Variants in TASOR observed in about 807,000 individuals in gnomAD.
TASOR encodes the protein transcription activation suppressor, also known as protein TASOR.
A neutral mutation model predicts 178.6 loss-of-function variants in TASOR; 53 were observed. The observed-to-expected ratio is 0.30, with a 90% confidence interval of 0.24 to 0.37. TASOR has a LOEUF of 0.37. Among genes scored for constraint, TASOR ranks in the 10% least tolerant of loss-of-function variants. TASOR has a pLI of 1.00. For missense variants in TASOR, 1,815 were observed against 1,971.4 expected, an observed-to-expected ratio of 0.92 and a Z score of 1.50; for synonymous variants, 713 against 696.2, an observed-to-expected ratio of 1.02 and a Z score of -0.38.
intron 14 of TASOR, among the ~76,000 whole-genome samples, chr3:56,645,875 G>C (rs1578228494): frequency 6.6e-6 from 1 of 152,148 alleles, no homozygotes; most frequent in Non-Finnish European, 1.5e-5. Context: ...ATGGCCAGGC[G>C]TGGTGGCTCA....
intron 14 of TASOR, 107 bp downstream of exon 14, chr3:56,646,415 G>T: frequency 1.2e-6 from 1 of 857,740 alleles, no homozygotes; most frequent in Non-Finnish European, 1.8e-6. Flanking sequence ...AAAAATAGTG[G>T]ACAGGCTGAA....
rs369681222 is a variant in TASOR at position 56,633,261 on chromosome 3, A to G, written c.3530T>C (p.Ile1177Thr). Reference protein sequence around the residue: ...ATELMVTSDHIVPGDMAREPV... With the variant: ...ATELMVTSDHTVPGDMAREPV... ...TTCCCGGGCCATATCACCAGGTACA[A>G]TATGATCAGAAGTCACCATTAACTC... The change falls in exon 18 of 24, where the codon ATT (isoleucine) becomes ACT (threonine). Residue 1177 changes from isoleucine (I) to threonine (T), a missense_variant. This residue lies in a region of TASOR where 655 missense variants were observed against 671.1 expected (regional missense o/e 0.98). Transcript: ENST00000683822. 337 of 1,614,066 alleles carry G rather than the reference A, an allele frequency of 2.1e-4. 2 individuals are homozygous for G. Among genetic ancestry groups the G allele is most frequent in the South Asian group, 1.2e-3 (113 of 91,078 alleles).
intron 18 of TASOR, among the ~76,000 whole-genome samples, chr3:56,632,481 A>C (rs2076937347): frequency 6.6e-6 from 1 of 152,122 alleles, no homozygotes; most frequent in Non-Finnish European, 1.5e-5. Flanking sequence ...TCTCAAAAAA[A>C]AAAACAAAAA....
At position 56,649,019 on chromosome 3, in the gene TASOR, A is replaced by G; in HGVS notation, c.1407T>C (p.Phe469=). Residue 469 remains phenylalanine (F), a synonymous_variant, in exon 12 of 24, where the codon TTT becomes TTC. Transcript: ENST00000683822. ...GAACCATCTGATAAGGGGAGAGAAG[A>G]AAAAGGTATCCTCGGTCTCCCAAAG... is the stretch of plus-strand genomic sequence containing the variant. The part of the protein sequence containing the change: ...VKPLGDRGYL[F]LLSPYQMVPP... 6.2e-7 allele frequency: 1 copy of G among 1,607,606 alleles called. No individual in the cohort carries two copies.
chr3:56,672,450 G>A (rs1018470592), intron 2 of TASOR, among the ~76,000 whole-genome samples: 2 of 152,048 alleles, frequency 1.3e-5, no homozygotes, highest in Non-Finnish European at 2.9e-5. Flanking sequence ...GGTACCACTT[G>A]GTTAACCAAC....
In TASOR at chr3:56,646,914, C is replaced by A; in HGVS notation, c.1823G>T (p.Arg608Leu). ...AATAGGTAACTGATACACTTCAGGC[C>A]GAAAAATATAGGCATGCAAACAAGT... ...IDTCLHAYIF[R>L]PEVYQLPICK... Residue 608 changes from arginine (R) to leucine (L), a missense_variant, in exon 14 of 24, where the codon CGG (arginine) becomes CTG (leucine). Coordinates refer to ENST00000683822, the MANE Select transcript of TASOR (RefSeq NM_001365635.2). 6 of 1,611,142 alleles carry A rather than the reference C, an allele frequency of 3.7e-6. No individual in the cohort carries two copies. Among genetic ancestry groups the A allele is most frequent in the Non-Finnish European group, 5.1e-6 (6 of 1,179,376 alleles).
chr3:56,623,878 C>A, intron 23 of TASOR: 1 of 1,518,402 alleles, frequency 6.6e-7, no homozygotes, highest in South Asian at 1.3e-5. Flanking sequence ...TTTGACAAGA[C>A]AAATATAAAA....
chr3:56,677,990 A>C (rs988851644), intron 1 of TASOR, among the ~76,000 whole-genome samples: 27 of 152,136 alleles, frequency 1.8e-4, no homozygotes, highest in African/African-American at 6.5e-4. Context: ...AGGTTTCCCT[A>C]CTTACAAATT....
At chr3:56,669,666 T>A in intron 5 of TASOR, 34 bp downstream of exon 5, 1 of 1,334,270 alleles carries the variant, frequency 7.5e-7, no homozygotes. Context: ...TCAAGTGTAG[T>A]TTTTCATACA....
intron 14 of TASOR, among the ~76,000 whole-genome samples, chr3:56,643,711 T>C (rs906345423): frequency 6.8e-6 from 1 of 147,088 alleles, no homozygotes; most frequent in Admixed American, 6.9e-5. Flanking sequence ...GCCGAGATTG[T>C]GCCACTGCAC....
chr3:56,674,373 G>A (rs2031069680), intron 1 of TASOR, among the ~76,000 whole-genome samples: 1 of 151,516 alleles, frequency 6.6e-6, no homozygotes, highest in South Asian at 2.1e-4. Context: ...AGCCAGGCAT[G>A]GTGGTGCATG....
chr3:56,620,443 C>T lies in TASOR; in HGVS notation c.*2594G>A, dbSNP rs2076277855. 1 of 152,400 alleles carries T rather than the reference C, an allele frequency of 6.6e-6. No individual in the cohort carries two copies. 9.4% of individuals were successfully genotyped at this position (152,400 alleles called of 1,614,324 possible). A position where few individuals can be genotyped will look rare whatever the true frequency, so the allele number is the denominator to read the frequency against. On this transcript the variant is annotated 3_prime_UTR_variant, in exon 24 of 24. Coordinates refer to ENST00000683822, the MANE Select transcript of TASOR (RefSeq NM_001365635.2). Reference sequence around the variant, plus strand: ...AACATCCTTACACCTTTGCTCCATCCCTTGGGCTTTAAAAAGAATGGCTGT... The same window carrying T: ...AACATCCTTACACCTTTGCTCCATCTCTTGGGCTTTAAAAAGAATGGCTGT...
chr3:56,625,246 G>C (rs2076772508), intron 21 of TASOR, among the ~76,000 whole-genome samples: 1 of 152,154 alleles, frequency 6.6e-6, no homozygotes. Flanking sequence ...TAAAATCTCA[G>C]CTGATTATTC....
At chr3:56,627,546 AAG>A (rs1486922271) in intron 20 of TASOR, 34 bp downstream of exon 20, 1 of 1,607,988 alleles carries the variant, frequency 6.2e-7, no homozygotes. Flanking sequence ...TGAGAGTCAG[AAG>A]AGGAGTTACG....
At position 56,633,536 on chromosome 3, in the gene TASOR, T is replaced by C. The variant is rs1188700824; in HGVS notation, c.3255A>G (p.Leu1085=). 6.2e-6 allele frequency: 10 copies of C among 1,614,162 alleles called. No homozygotes were observed. Among genetic ancestry groups the C allele is most frequent in the Non-Finnish European group, 8.5e-6 (10 of 1,180,030 alleles). The change falls in exon 18 of 24, where the codon CTA becomes CTG. Residue 1085 remains leucine (L), a synonymous_variant. Transcript: ENST00000683822. ...CTGATGCTTTAATAATAATAGTATT[T>C]AGCTTCTCATGCAAACCATCTACAA... The part of the protein sequence containing the change: ...QEFVDGLHEK[L]NTIIIKASAK...
chr3:56,641,541 CCTCAG>C lies in TASOR; in HGVS notation c.2422_2426del (p.Leu808AlafsTer4). ...AGTTCAACTCATACTCATGTTTTTGCCTCAGCTCTTCATAGGCATCATCAGTGCTC... is the reference window on the plus strand; with the variant it reads ...AGTTCAACTCATACTCATGTTTTTGCCTCTTCATAGGCATCATCAGTGCTC... On this transcript the variant is annotated frameshift_variant, in exon 15 of 24. Coordinates refer to ENST00000683822, the MANE Select transcript of TASOR (RefSeq NM_001365635.2). LOFTEE classifies it high-confidence loss of function. The C allele has an allele frequency of 6.2e-7, 1 of 1,614,136 alleles. No homozygotes were observed. Among genetic ancestry groups the C allele is most frequent in the Non-Finnish European group, 8.5e-7 (1 of 1,179,998 alleles).
intron 1 of TASOR, among the ~76,000 whole-genome samples, chr3:56,680,339 A>G (rs1420051413): frequency 6.6e-6 from 1 of 152,198 alleles, no homozygotes; most frequent in Non-Finnish European, 1.5e-5. Flanking sequence ...ATTAGGCACT[A>G]TACAAGTGTT....
At chr3:56,666,132 C>T in intron 7 of TASOR, 128 bp downstream of exon 7, 1 of 661,370 alleles carries the variant, frequency 1.5e-6, no homozygotes, top group Middle Eastern at 2.8e-4. Context: ...CTTCAGTCTC[C>T]AACCAACTTC....
At chr3:56,644,076 C>T (rs2077185311) in intron 14 of TASOR, among the ~76,000 whole-genome samples, 1 of 152,114 alleles carries the variant, frequency 6.6e-6, no homozygotes, top group Non-Finnish European at 1.5e-5. Flanking sequence ...TTATTGAGTG[C>T]ATATAATGTG....
Sources: allele counts gnomAD v4.1 joint callset (sites outside exome capture counted in the v4.1 genomes callset), GRCh38; gene constraint gnomAD v4.1.1; regional missense constraint gnomAD v4.1.1; transcripts MANE v1.5; gene names NCBI Gene and HGNC (gene_info 2026-07-23, HGNC 2026-07-21).